TTC21A: variants seen among roughly 807,000 people sequenced by gnomAD.
The protein encoded by TTC21A is tetratricopeptide repeat domain 21A, also known as tetratricopeptide repeat protein 21A.
A neutral mutation model predicts 156.4 loss-of-function variants in TTC21A; 128 were observed. The observed-to-expected ratio is 0.82, with a 90% CI of 0.71 to 0.95. TTC21A has a LOEUF of 0.95. TTC21A is among the 40% of genes least tolerant of loss of function. The pLI is 0.00. For missense variants in TTC21A, 1,435 were observed against 1,602.3 expected, an observed-to-expected ratio of 0.90 and a Z score of 1.78; for synonymous variants, 587 against 617.1, an observed-to-expected ratio of 0.95 and a Z score of 0.72.
In TTC21A at chr3:39,128,503, A is replaced by T; in HGVS notation, c.1680+15A>T. The T allele has an allele frequency of 6.2e-7, 1 of 1,613,906 alleles. No individual in the cohort carries two copies. Among genetic ancestry groups the T allele is most frequent in the South Asian group, 1.1e-5 (1 of 91,068 alleles). On this transcript the variant is annotated intron_variant, in intron 13 of 28. Coordinates refer to ENST00000683103, the MANE Select transcript of TTC21A (RefSeq NM_001366900.1). The stretch of plus-strand genomic sequence containing the variant: ...ACAACTTCCAGGTGGGTGCCCTCTC[A>T]TCCTCTCAGCATCCCAAAGCCCAGC...
intron 10 of TTC21A, 76 bp from the exon 11 acceptor site, chr3:39,125,256 G>C: frequency 7.1e-6 from 11 of 1,547,168 alleles, no homozygotes; most frequent in Non-Finnish European, 9.8e-6. Context: ...AGGTGGTCTG[G>C]ACCTTCACTT....
rs193040357 is a variant in TTC21A, at chr3:39,116,564, C to T, written c.717-1505C>T. On this transcript the variant is annotated intron_variant, in intron 6 of 28. Transcript: ENST00000683103. ...AATCATAGTTCACTGCAGCCTCGAA[C>T]CCCTGGGCTCAAGTGATCCTCCCAA... is the stretch of plus-strand genomic sequence containing the variant. Among the ~76,000 whole-genome samples the T allele has an allele frequency of 1.6e-3, 249 of 152,080 alleles. 4 individuals are homozygous for T. The highest frequency in any genetic ancestry group is 0.013 in the Admixed American group (204 of 15,280).
At chr3:39,137,961 T>A (rs1229649614) in intron 26 of TTC21A, among the ~76,000 whole-genome samples, 1 of 151,846 alleles carries the variant, frequency 6.6e-6, no homozygotes, top group East Asian at 1.9e-4. Flanking sequence ...CAGAAAGAGA[T>A]GGGAAAGCTT....
At chr3:39,135,368 T>A (rs1326009703) in intron 22 of TTC21A, among the ~76,000 whole-genome samples, 194 bp downstream of exon 22, 2 of 152,204 alleles carry the variant, frequency 1.3e-5, no homozygotes, top group Non-Finnish European at 2.9e-5. Context: ...AAGGGGCCAG[T>A]TCCTGGTCTC....
intron 2 of TTC21A, among the ~76,000 whole-genome samples, 200 bp downstream of exon 2, chr3:39,109,414 C>T (rs2036600757): frequency 6.6e-6 from 1 of 152,212 alleles, no homozygotes; most frequent in South Asian, 2.1e-4. Context: ...AGAGCGCTGA[C>T]TATCCCTGCT....
At chr3:39,136,729 C>A in intron 23 of TTC21A, 170 bp from the exon 24 acceptor site, 1 of 1,001,994 alleles carries the variant, frequency 1.0e-6, no homozygotes, top group Non-Finnish European at 1.4e-6. Context: ...GGGCAGGCCA[C>A]CAGCCTGCAT....
Position 39,137,489 on chromosome 3 carries a change from G to A in TTC21A, c.3454G>A (p.Asp1152Asn), listed in dbSNP as rs2039219456. ...CCACTTCCTACCTGGTGTGTAGAAGGACAGCGTCCCTGCCCTGCTGGCCTT... is the reference window on the plus strand; with the variant it reads ...CCACTTCCTACCTGGTGTGTAGAAGAACAGCGTCCCTGCCCTGCTGGCCTT... ...SFIQIAQAEKDSVPALLALAQ... is the reference protein window; with the variant it reads ...SFIQIAQAEKNSVPALLALAQ... Residue 1152 changes from aspartate to asparagine, a missense_variant, in exon 26 of 29, where the codon GAC becomes AAC. By Grantham distance (23) the Asp-to-Asn change is conservative. Coordinates refer to ENST00000683103, the MANE Select transcript of TTC21A (RefSeq NM_001366900.1). 1 of 1,614,162 alleles carries A rather than the reference G, an allele frequency of 6.2e-7. No homozygotes were observed. The highest frequency in any genetic ancestry group is 8.5e-7 in the Non-Finnish European group (1 of 1,180,012).
intron 12 of TTC21A, 133 bp downstream of exon 12, chr3:39,126,523 C>T (rs2038271343): frequency 1.1e-5 from 11 of 971,740 alleles, no homozygotes; most frequent in East Asian, 2.7e-5. Context: ...CACACACACT[C>T]TCCTTGCCTG....
At position 39,130,195 on chromosome 3, in the gene TTC21A, T is replaced by C. The variant is rs540481063; in HGVS notation, c.2208+44T>C. 6.2e-7 allele frequency: 1 copy of C among 1,612,028 alleles called. No individual in the cohort carries two copies. Among genetic ancestry groups the C allele is most frequent in the African/African-American group, 1.3e-5 (1 of 74,972 alleles). On this transcript the variant is annotated intron_variant, in intron 16 of 28. Coordinates refer to ENST00000683103, the MANE Select transcript of TTC21A (RefSeq NM_001366900.1). This position sits in a 1 kb window ranked among gnomAD's most constrained non-coding sequence, Gnocchi z 4.5. ...AGCCTTGCCAAGTGGCCCCCCAGTCTCCCTTCTCCAGTGGGAGAGAAGAGG... is the reference window on the plus strand; with the variant it reads ...AGCCTTGCCAAGTGGCCCCCCAGTCCCCCTTCTCCAGTGGGAGAGAAGAGG...
chr3:39,134,992 T>C lies in TTC21A; in HGVS notation c.2863-101T>C. The C allele has an allele frequency of 9.6e-7, 1 of 1,036,506 alleles. No homozygotes were observed. Among genetic ancestry groups the C allele is most frequent in the Non-Finnish European group, 1.5e-6 (1 of 659,274 alleles). The allele number at this position is 1,036,506 out of a possible 1,614,324, so 64.2% of individuals were successfully genotyped here. On this transcript the variant is annotated intron_variant, in intron 21 of 28. Coordinates refer to ENST00000683103, the MANE Select transcript of TTC21A (RefSeq NM_001366900.1). The surrounding 1 kb of genome is among the most constrained non-coding windows in gnomAD (Gnocchi z 4.6). The stretch of plus-strand genomic sequence containing the variant: ...GCTGCCTTGCAAGTCCTTTTCTACC[T>C]TCCCTTCTTACCACCATCACCCCCA...
At chr3:39,114,353 C>A (rs1310223646) in intron 5 of TTC21A, among the ~76,000 whole-genome samples, 2 of 152,236 alleles carry the variant, frequency 1.3e-5, no homozygotes, top group African/African-American at 2.4e-5. Context: ...TTAGCTATCT[C>A]CCCAAAGCCC....
Position 39,130,907 on chromosome 3 carries a change from C to T in TTC21A, c.2458+68C>T. On this transcript the variant is annotated intron_variant, in intron 18 of 28. Transcript: ENST00000683103. This position sits in a 1 kb window ranked among gnomAD's most constrained non-coding sequence, Gnocchi z 4.5. Reference sequence around the variant, plus strand: ...ATACTCCTCCCCCATTCCCCATTAGCTGAAGTCCTGATCCCAGCGCTCCCC... The same window carrying T: ...ATACTCCTCCCCCATTCCCCATTAGTTGAAGTCCTGATCCCAGCGCTCCCC... 6.2e-7 allele frequency: 1 copy of T among 1,608,978 alleles called. No homozygotes were observed. Among genetic ancestry groups the T allele is most frequent in the South Asian group, 1.1e-5 (1 of 90,606 alleles).
rs374132095 is a variant in TTC21A at position 39,130,164 on chromosome 3, C to A, written c.2208+13C>A. 37 of 1,613,496 alleles carry A rather than the reference C, an allele frequency of 2.3e-5. No homozygotes were observed. The highest frequency in any genetic ancestry group is 1.6e-4 in the Middle Eastern group (1 of 6,062). On this transcript the variant is annotated intron_variant, in intron 16 of 28. Transcript: ENST00000683103. This position sits in a 1 kb window ranked among gnomAD's most constrained non-coding sequence, Gnocchi z 4.5. ...GAGCATTCTGGAGGTAAGTGAGAGG[C>A]CTCACAGCCTTGCCAAGTGGCCCCC...
intron 8 of TTC21A, 35 bp downstream of exon 8, chr3:39,120,055 T>C: frequency 7.0e-7 from 1 of 1,437,838 alleles, no homozygotes; most frequent in Non-Finnish European, 9.8e-7. Flanking sequence ...GAAATGGTGC[T>C]TCTCCCTGCT....
rs2038859773 is a variant in TTC21A, at chr3:39,133,150, A to G, written c.2661A>G (p.Gln887=). The stretch of plus-strand genomic sequence containing the variant: ...AACTGGCAGCCTCTATCTGCATCCA[A>G]TTTGCAGAGCACTACCTGGCAGAGA... ...QKQLAASICI[Q]FAEHYLAEKE... is the part of the protein sequence containing the mutation. Residue 887 remains glutamine, a synonymous_variant, in exon 20 of 29, where the codon CAA becomes CAG. Transcript: ENST00000683103. 3.7e-6 allele frequency: 6 copies of G among 1,613,870 alleles called. No homozygotes were observed. The East Asian group carries it at 1.1e-4, about 30-fold the overall frequency.
At chr3:39,113,505 T>C (rs2037006411) in intron 5 of TTC21A, among the ~76,000 whole-genome samples, 1 of 152,158 alleles carries the variant, frequency 6.6e-6, no homozygotes, top group Non-Finnish European at 1.5e-5. Flanking sequence ...AGGTGTGACC[T>C]GGGACAAAGC....
chr3:39,137,190 T>A lies in TTC21A; in HGVS notation c.3258-5T>A, dbSNP rs1253376487. 1 of 1,610,944 alleles carries A rather than the reference T, an allele frequency of 6.2e-7. No homozygotes were observed. The highest frequency in any genetic ancestry group is 1.3e-5 in the African/African-American group (1 of 74,868). On this transcript the variant is annotated splice_region_variant and splice_polypyrimidine_tract_variant and intron_variant, in intron 24 of 28. Transcript: ENST00000683103. ...GTGTCTGATACCCAGGTCTAACACC[T>A]GCAGCTACATGGAGAAGAAGGAGTT...
chr3:39,108,057 T>C lies in TTC21A; in HGVS notation c.27+193T>C, dbSNP rs987414113. 4 of 613,222 alleles carry C rather than the reference T, an allele frequency of 6.5e-6. No individual in the cohort carries two copies. The Admixed American group carries it at 1.2e-4, about 19-fold the overall frequency. 38.0% of individuals were successfully genotyped at this position (613,222 alleles called of 1,614,324 possible). A position where few individuals can be genotyped will look rare whatever the true frequency, so the allele number is the denominator to read the frequency against. On this transcript the variant is annotated intron_variant, in intron 1 of 28. Coordinates refer to ENST00000683103, the MANE Select transcript of TTC21A (RefSeq NM_001366900.1). ...CTTCTGCGCACCCTGAGCCCCAAAT[T>C]AGCATCCCCGTTTCTTGAGCTACCC... is the stretch of plus-strand genomic sequence containing the variant.
At chr3:39,125,814 C>T (rs1240623364) in intron 11 of TTC21A, among the ~76,000 whole-genome samples, 1 of 152,218 alleles carries the variant, frequency 6.6e-6, no homozygotes, top group Non-Finnish European at 1.5e-5. Context: ...AGGGACCACA[C>T]TTGGAAGAAC....
Sources: allele counts gnomAD v4.1 joint callset (sites outside exome capture counted in the v4.1 genomes callset), GRCh38; gene constraint gnomAD v4.1.1; non-coding constraint Gnocchi (gnomAD v3.1); transcripts MANE v1.5; gene names NCBI Gene and HGNC (gene_info 2026-07-23, HGNC 2026-07-21).